OR2L13: variants seen among roughly 807,000 people sequenced by gnomAD.
OR2L13 encodes olfactory receptor 2L13.
OR2L13 carries 14 observed loss-of-function variants against 15.3 expected under a neutral mutation model. The ratio of observed to expected loss-of-function variants is 0.91; its 90% confidence interval spans 0.60 to 1.43. The LOEUF is 1.43. Ranked by LOEUF, OR2L13 falls within the 40% of genes most tolerant of loss-of-function variation. The pLI, the probability that OR2L13 is intolerant of heterozygous loss-of-function variation, is 0.00. For synonymous variants in OR2L13, 152 were observed against 142.9 expected (o/e 1.06, Z -0.45); for missense variants, 367 against 387.9 (o/e 0.95, Z 0.45).
the OR2L13 span, among the ~76,000 whole-genome samples, chr1:247,956,951 G>A: frequency 0.024 from 3,702 of 152,124 alleles, 59 homozygotes; most frequent in East Asian, 0.036. Context: ...TCTCCTGCCT[G>A]ATTGCCCTGG....
At chr1:248,013,620 T>C in the OR2L13 span, 1 of 152,122 alleles carries the variant, frequency 6.6e-6, no homozygotes. Flanking sequence ...ATGTATACAT[T>C]TCTTTAAAAA....
chr1:248,029,112 A>G, the OR2L13 span: 3 of 152,224 alleles, frequency 2.0e-5, no homozygotes, highest in Admixed American at 1.3e-4. Context: ...GCATCAGTAC[A>G]TCAGATTGGC....
At chr1:248,053,209 G>T in the OR2L13 span, among the ~76,000 whole-genome samples, 1 of 152,118 alleles carries the variant, frequency 6.6e-6, no homozygotes, top group Non-Finnish European at 1.5e-5. Flanking sequence ...GCAGTATTTA[G>T]TTTTCTGTTC....
At chr1:247,981,184 G>A in the OR2L13 span, among the ~76,000 whole-genome samples, 1 of 152,090 alleles carries the variant, frequency 6.6e-6, no homozygotes, top group African/African-American at 2.4e-5. Flanking sequence ...AAGAGATGGG[G>A]CTAAATTACA....
the OR2L13 span, among the ~76,000 whole-genome samples, chr1:248,057,138 G>A: frequency 1.9e-4 from 29 of 152,190 alleles, no homozygotes; most frequent in African/African-American, 6.5e-4. Flanking sequence ...GGAGAGTTCT[G>A]TAGACATCTA....
chr1:248,006,070 C>T, the OR2L13 span, among the ~76,000 whole-genome samples: 1 of 152,096 alleles, frequency 6.6e-6, no homozygotes, highest in Non-Finnish European at 1.5e-5. Context: ...AAATAGGCCT[C>T]CCATCAGCAG....
At chr1:247,958,050 A>G in the OR2L13 span, among the ~76,000 whole-genome samples, 3 of 151,556 alleles carry the variant, frequency 2.0e-5, no homozygotes, top group African/African-American at 7.3e-5. Context: ...TCAATTTTAG[A>G]TCTTTCCTGC....
At chr1:248,084,447 G>A in the OR2L13 span, 3 of 1,577,256 alleles carry the variant, frequency 1.9e-6, no homozygotes, top group Admixed American at 1.7e-5. Flanking sequence ...GAGCCGGCCG[G>A]TCCCGGTGAA....
At chr1:247,983,686 G>A in the OR2L13 span, among the ~76,000 whole-genome samples, 15 of 152,280 alleles carry the variant, frequency 9.9e-5, no homozygotes, top group East Asian at 1.4e-3. Context: ...AATTAGAACC[G>A]TGGAACGTGA....
the OR2L13 span, among the ~76,000 whole-genome samples, chr1:248,070,327 A>G: frequency 6.6e-6 from 1 of 152,030 alleles, no homozygotes; most frequent in African/African-American, 2.4e-5. Context: ...AAACTCACTC[A>G]AAACCACTCA....
chr1:247,953,794 C>T, the OR2L13 span, among the ~76,000 whole-genome samples: 1 of 152,116 alleles, frequency 6.6e-6, no homozygotes, highest in Non-Finnish European at 1.5e-5. Flanking sequence ...GCCCTTATCA[C>T]TACAGCCTGG....
the OR2L13 span, among the ~76,000 whole-genome samples, chr1:248,032,967 A>C: frequency 2.1e-5 from 3 of 146,270 alleles, no homozygotes; most frequent in Admixed American, 1.3e-4. Context: ...TGTCTTTACT[A>C]TGCATTTATA....
At chr1:248,073,643 A>G in the OR2L13 span, among the ~76,000 whole-genome samples, 1 of 151,526 alleles carries the variant, frequency 6.6e-6, no homozygotes, top group Non-Finnish European at 1.5e-5. Flanking sequence ...AAAATAAAAA[A>G]GAATTAAAAA....
chr1:247,989,193 A>C, the OR2L13 span, among the ~76,000 whole-genome samples: 1 of 152,202 alleles, frequency 6.6e-6, no homozygotes, highest in Non-Finnish European at 1.5e-5. Context: ...ACTTGAAATA[A>C]GGATGTATTC....
At chr1:248,074,867 G>T in the OR2L13 span, among the ~76,000 whole-genome samples, 1 of 151,250 alleles carries the variant, frequency 6.6e-6, no homozygotes, top group African/African-American at 2.4e-5. Flanking sequence ...AGACATAGAC[G>T]AAAATCTTCT....
chr1:248,026,053 C>A, the OR2L13 span, among the ~76,000 whole-genome samples: 1 of 152,056 alleles, frequency 6.6e-6, no homozygotes, highest in Non-Finnish European at 1.5e-5. Flanking sequence ...ACATATGTAA[C>A]TAATCTGCAC....
the OR2L13 span, among the ~76,000 whole-genome samples, chr1:248,086,446 G>C: frequency 6.6e-6 from 1 of 152,110 alleles, no homozygotes; most frequent in African/African-American, 2.4e-5. Context: ...GAAAAATTAT[G>C]ATGTATAATA....
the OR2L13 span, among the ~76,000 whole-genome samples, chr1:248,000,932 AT>A: frequency 4.7e-5 from 7 of 149,864 alleles, no homozygotes; most frequent in South Asian, 4.2e-4. Flanking sequence ...AATAAATTTA[AT>A]TTTTTTTCTT....
At chr1:247,963,817 A>G in the OR2L13 span, among the ~76,000 whole-genome samples, 2 of 152,132 alleles carry the variant, frequency 1.3e-5, no homozygotes, top group Non-Finnish European at 2.9e-5. Context: ...CACATATATG[A>G]CCATATATTA....
Sources: gnomAD v4.1 joint callset for allele counts (sites outside exome capture counted in the v4.1 genomes callset) on GRCh38, gnomAD v4.1.1 for gene constraint, MANE v1.5 for transcripts, NCBI Gene and HGNC (gene_info 2026-07-23, HGNC 2026-07-21) for gene names.